Variants in PLCL1 observed in about 807,000 individuals in gnomAD.
PLCL1 encodes the protein inactive phospholipase C-like protein 1.
In PLCL1, 41 loss-of-function variants were observed where a neutral mutation model predicts 84.4. The ratio of observed to expected loss-of-function variants is 0.49; its 90% confidence interval spans 0.38 to 0.63. PLCL1 has a LOEUF of 0.63. PLCL1 is among the 30% of genes least tolerant of loss of function. PLCL1 has a pLI of 0.00. For synonymous variants in PLCL1, 490 were observed against 488.3 expected (o/e 1.00, Z -0.05); for missense variants, 1,206 against 1,367.8 (o/e 0.88, Z 1.87).
At chr2:198,012,850 T>A (rs1262880820) in intron 1 of PLCL1, among the ~76,000 whole-genome samples, 1 of 151,982 alleles carries the variant, frequency 6.6e-6, no homozygotes, top group Non-Finnish European at 1.5e-5. Context: ...AAGCATACCT[T>A]ACATATATTC....
At chr2:198,116,932 G>T (rs1045741861) in intron 5 of PLCL1, among the ~76,000 whole-genome samples, 7 of 151,844 alleles carry the variant, frequency 4.6e-5, no homozygotes, top group Non-Finnish European at 1.0e-4. Flanking sequence ...TTATACTGAG[G>T]GATGGAAAGT....
chr2:198,035,360 A>G (rs1691531103), intron 1 of PLCL1, among the ~76,000 whole-genome samples: 1 of 152,244 alleles, frequency 6.6e-6, no homozygotes, highest in Non-Finnish European at 1.5e-5. Flanking sequence ...AATTAGCATA[A>G]GTAGTACCAT....
At chr2:198,025,324 A>G (rs1691239268) in intron 1 of PLCL1, among the ~76,000 whole-genome samples, 2 of 152,078 alleles carry the variant, frequency 1.3e-5, no homozygotes, top group African/African-American at 4.8e-5. Context: ...ACATATATCA[A>G]TTCATAAATC....
At chr2:198,101,720 T>C (rs1385914309) in intron 4 of PLCL1, among the ~76,000 whole-genome samples, 1 of 152,084 alleles carries the variant, frequency 6.6e-6, no homozygotes, top group African/African-American at 2.4e-5. Context: ...AATTTTACAA[T>C]TGGAACCAAA....
chr2:197,808,830 C>T (rs994241360), intron 1 of PLCL1, among the ~76,000 whole-genome samples: 13 of 152,048 alleles, frequency 8.5e-5, no homozygotes, highest in South Asian at 2.1e-4. Flanking sequence ...GACACATTGA[C>T]GGGTTCTACT....
intron 1 of PLCL1, among the ~76,000 whole-genome samples, chr2:198,008,537 CT>C (rs199948196): frequency 0.19 from 27,551 of 144,468 alleles, 2,524 homozygotes; most frequent in East Asian, 0.27. Flanking sequence ...ACAAGATTTT[CT>C]TTTTTTTTTT....
At chr2:197,926,861 C>A (rs1043365812) in intron 1 of PLCL1, among the ~76,000 whole-genome samples, 1 of 152,120 alleles carries the variant, frequency 6.6e-6, no homozygotes, top group Non-Finnish European at 1.5e-5. Context: ...CATGAGGTTT[C>A]ATTTGACAGC....
At chr2:197,855,332 A>C (rs530415253) in intron 1 of PLCL1, among the ~76,000 whole-genome samples, 1 of 152,162 alleles carries the variant, frequency 6.6e-6, no homozygotes, top group African/African-American at 2.4e-5. Flanking sequence ...AAGCCGCTTA[A>C]TCCCCACATG....
chr2:198,126,045 G>C (rs1183788986), intron 5 of PLCL1, among the ~76,000 whole-genome samples: 2 of 152,096 alleles, frequency 1.3e-5, no homozygotes, highest in Non-Finnish European at 2.9e-5. Context: ...TTAAAATCCT[G>C]TCTAGGTGTA....
At chr2:197,842,843 A>G (rs571162747) in intron 1 of PLCL1, among the ~76,000 whole-genome samples, 32 of 152,192 alleles carry the variant, frequency 2.1e-4, no homozygotes, top group Non-Finnish European at 4.0e-4. Context: ...GGAGAAAGTT[A>G]TAAGGTAGAA....
At chr2:198,039,960 C>G (rs978870619) in intron 1 of PLCL1, among the ~76,000 whole-genome samples, 2 of 152,112 alleles carry the variant, frequency 1.3e-5, no homozygotes, top group African/African-American at 4.8e-5. Context: ...TATGTCTTAA[C>G]CTACATGAAA....
chr2:197,863,198 G>A (rs891218326), intron 1 of PLCL1, among the ~76,000 whole-genome samples: 2 of 148,894 alleles, frequency 1.3e-5, no homozygotes, highest in African/African-American at 5.0e-5. Context: ...TGCCTTTCAC[G>A]CAATTATTTA....
intron 3 of PLCL1, among the ~76,000 whole-genome samples, chr2:198,094,082 A>G (rs1466431189): frequency 6.6e-6 from 1 of 151,812 alleles, no homozygotes. Flanking sequence ...TTGTTTTGGA[A>G]ACGGAGTCTC....
chr2:198,096,179 A>C (rs972149653), intron 3 of PLCL1, among the ~76,000 whole-genome samples: 1 of 152,168 alleles, frequency 6.6e-6, no homozygotes, highest in Non-Finnish European at 1.5e-5. Flanking sequence ...ACACCTAAAA[A>C]GGGAAGTAGT....
At chr2:198,141,309 T>C (rs944943541) in intron 5 of PLCL1, among the ~76,000 whole-genome samples, 3 of 152,182 alleles carry the variant, frequency 2.0e-5, no homozygotes, top group African/African-American at 7.2e-5. Context: ...AGTTATATTA[T>C]ATGCAATTTC....
At chr2:198,050,272 T>G (rs1240765367) in intron 1 of PLCL1, among the ~76,000 whole-genome samples, 2 of 152,060 alleles carry the variant, frequency 1.3e-5, no homozygotes, top group Non-Finnish European at 2.9e-5. Flanking sequence ...GTAGGTGAGA[T>G]TGGAAGAAAT....
intron 1 of PLCL1, among the ~76,000 whole-genome samples, chr2:197,862,126 T>TG (rs5837564): frequency 0.73 from 110,497 of 151,876 alleles, 41,227 homozygotes; most frequent in African/African-American, 0.9. Context: ...GTTACATGGA[T>TG]TTTAATAATT....
chr2:197,945,836 G>A (rs1306022012), intron 1 of PLCL1, among the ~76,000 whole-genome samples: 1 of 151,990 alleles, frequency 6.6e-6, no homozygotes, highest in Non-Finnish European at 1.5e-5. Flanking sequence ...GACCAAATTG[G>A]CATTGGTTAA....
rs139380513 is a variant in PLCL1, at chr2:197,994,237, A to C, written c.241-89521A>C. ...CAACTACCTAGACTTTTATGCCCTC[A>C]GTAGAGATGAGGAGAAGGGTAAAAT... On this transcript the variant is annotated intron_variant, in intron 1 of 5. Transcript: ENST00000428675. 6.2e-3 allele frequency among the ~76,000 whole-genome samples: 944 copies of C among 152,304 alleles called. 11 individuals carry two copies. Among genetic ancestry groups the C allele is most frequent in the African/African-American group, 0.022 (900 of 41,570 alleles).
Sources: gnomAD v4.1 joint callset for allele counts (sites outside exome capture counted in the v4.1 genomes callset) on GRCh38, gnomAD v4.1.1 for gene constraint, MANE v1.5 for transcripts, NCBI Gene and HGNC (gene_info 2026-07-23, HGNC 2026-07-21) for gene names.